Variants in ARL5A observed in about 807,000 individuals in gnomAD.
The protein encoded by ARL5A is ARF like GTPase 5A, also known as ADP-ribosylation factor-like protein 5A.
In ARL5A, 18 loss-of-function variants were observed where a neutral mutation model predicts 25.9. The ratio of observed to expected loss-of-function variants is 0.69; its 90% CI spans 0.48 to 1.03. The LOEUF is 1.03. ARL5A is among the 50% of genes least tolerant of loss of function. The pLI is 0.00. For synonymous variants in ARL5A, 61 were observed against 67.5 expected, an observed-to-expected ratio of 0.90 and a Z score of 0.47; for missense variants, 170 against 211.9, an observed-to-expected ratio of 0.80 and a Z score of 1.23.
chr2:151,817,261 A>C (rs2099831634), intron 1 of ARL5A, among the ~76,000 whole-genome samples: 1 of 152,212 alleles, frequency 6.6e-6, no homozygotes, highest in African/African-American at 2.4e-5. Context: ...CCTCTACTCT[A>C]GCACTTATCC....
chr2:151,817,898 G>C (rs953425657), intron 1 of ARL5A, among the ~76,000 whole-genome samples: 1 of 152,124 alleles, frequency 6.6e-6, no homozygotes, highest in Non-Finnish European at 1.5e-5. Context: ...CCAGCTACTT[G>C]GGAGGCTGAG....
chr2:151,812,793 G>A (rs1232280088), intron 3 of ARL5A, among the ~76,000 whole-genome samples: 1 of 151,750 alleles, frequency 6.6e-6, no homozygotes, highest in Non-Finnish European at 1.5e-5. Flanking sequence ...TTACTTCCAG[G>A]TAGATATTAT....
chr2:151,820,398 G>A (rs961963201), intron 1 of ARL5A, among the ~76,000 whole-genome samples: 4 of 151,892 alleles, frequency 2.6e-5, no homozygotes, highest in Non-Finnish European at 4.4e-5. Context: ...AGTGGCTCAC[G>A]CCTGTAATCC....
At position 151,803,174 on chromosome 2, in the gene ARL5A, A is replaced by C; in HGVS notation, c.*102T>G. On this transcript the variant is annotated 3_prime_UTR_variant, in exon 6 of 6. Coordinates refer to ENST00000295087, the MANE Select transcript of ARL5A (RefSeq NM_012097.4). ...TTTTCTTCTTATAGAAAAAGTTTAAATCAGTTTATTATAAATATATCTAAA... is the reference window on the plus strand; with the variant it reads ...TTTTCTTCTTATAGAAAAAGTTTAACTCAGTTTATTATAAATATATCTAAA... The C allele has an allele frequency of 1.4e-6, 1 of 702,272 alleles. No individual in the cohort carries two copies. The allele number at this position is 702,272 out of a possible 1,614,324, so 43.5% of individuals were successfully genotyped here. A position where few individuals can be genotyped will look rare whatever the true frequency, so the allele number is the denominator to read the frequency against.
intron 5 of ARL5A, among the ~76,000 whole-genome samples, chr2:151,805,656 C>T (rs1049841387): frequency 1.4e-4 from 21 of 152,114 alleles, no homozygotes; most frequent in Non-Finnish European, 2.9e-4. Flanking sequence ...AGGCTACACA[C>T]CTATACAGCA....
intron 1 of ARL5A, among the ~76,000 whole-genome samples, chr2:151,818,289 T>C (rs2099831791): frequency 6.6e-6 from 1 of 152,168 alleles, no homozygotes; most frequent in Admixed American, 6.5e-5. Context: ...ATCCTTTCTT[T>C]TTTTTTGAGA....
Position 151,815,154 on chromosome 2 carries a change from G to A in ARL5A, c.92C>T (p.Thr31Ile). ...TAATACTTACAATTGGTAAAGAATG[G>A]TAGTTTTCCCTGCATTATCCAGCCC... ...IVGLDNAGKTTILYQFSMNEV... is the reference protein window; with the variant it reads ...IVGLDNAGKTIILYQFSMNEV... Residue 31 changes from threonine to isoleucine, a missense_variant, in exon 2 of 6, where the codon ACC becomes ATC. Transcript: ENST00000295087. The A allele has an allele frequency of 6.2e-7, 1 of 1,605,646 alleles. No individual in the cohort carries two copies. Among genetic ancestry groups the A allele is most frequent in the Non-Finnish European group, 8.5e-7 (1 of 1,175,772 alleles).
In ARL5A at chr2:151,824,271, C is replaced by T. The variant is rs116023307; in HGVS notation, c.46+3860G>A. ...TAAACTAACATAAATGTTCTGAGCA[C>T]GTATAAAGCAAGCTAGGCTAAAGCC... On this transcript the variant is annotated intron_variant, in intron 1 of 5. Coordinates refer to ENST00000295087, the MANE Select transcript of ARL5A (RefSeq NM_012097.4). Among the ~76,000 whole-genome samples, 752 of 152,234 alleles carry T rather than the reference C, an allele frequency of 4.9e-3. 6 individuals are homozygous for T. The highest frequency in any genetic ancestry group is 0.017 in the African/African-American group (709 of 41,524).
intron 1 of ARL5A, among the ~76,000 whole-genome samples, chr2:151,815,651 T>C (rs2099831408): frequency 6.6e-6 from 1 of 152,182 alleles, no homozygotes; most frequent in African/African-American, 2.4e-5. Context: ...GTTTTTTAAA[T>C]GGGTAATCGT....
intron 1 of ARL5A, among the ~76,000 whole-genome samples, chr2:151,824,301 T>A (rs1395954569): frequency 6.6e-6 from 1 of 152,208 alleles, no homozygotes; most frequent in African/African-American, 2.4e-5. Context: ...AAAGCCATGG[T>A]TTTCAGTAAG....
chr2:151,815,934 C>T lies in ARL5A; in HGVS notation c.47-735G>A, dbSNP rs373365408. Among the ~76,000 whole-genome samples, 33 of 151,188 alleles carry T rather than the reference C, an allele frequency of 2.2e-4. No homozygotes were observed. The South Asian group carries it at 6.2e-3, about 29-fold the overall frequency. On this transcript the variant is annotated intron_variant, in intron 1 of 5. Coordinates refer to ENST00000295087, the MANE Select transcript of ARL5A (RefSeq NM_012097.4). Reference sequence around the variant, plus strand: ...AAGACCCATCTATTTCCAGCCTGTCCGAAAGCAATTCCCAAAGACAGCACA... The same window carrying T: ...AAGACCCATCTATTTCCAGCCTGTCTGAAAGCAATTCCCAAAGACAGCACA...
At chr2:151,804,832 T>TC (rs2099829883) in intron 5 of ARL5A, among the ~76,000 whole-genome samples, 2 of 152,150 alleles carry the variant, frequency 1.3e-5, no homozygotes, top group African/African-American at 4.8e-5. Flanking sequence ...TGATCTCCAA[T>TC]CCACTGAATC....
intron 1 of ARL5A, among the ~76,000 whole-genome samples, chr2:151,824,189 C>T (rs1473525562): frequency 1.3e-5 from 2 of 152,168 alleles, no homozygotes; most frequent in African/African-American, 4.8e-5. Context: ...CAATAAATTA[C>T]ACGAGATATT....
In ARL5A at chr2:151,825,699, C is replaced by T. The variant is rs564819386; in HGVS notation, c.46+2432G>A. On this transcript the variant is annotated intron_variant, in intron 1 of 5. Coordinates refer to ENST00000295087, the MANE Select transcript of ARL5A (RefSeq NM_012097.4). The stretch of plus-strand genomic sequence containing the variant: ...TTTAAGTTTCATCAGATGGCAAATT[C>T]TGTAATCTCCCGAAACATACTTTCC... Among the ~76,000 whole-genome samples, 4 of 152,118 alleles carry T rather than the reference C, an allele frequency of 2.6e-5. No homozygotes were observed. The South Asian group carries it at 8.3e-4, about 32-fold the overall frequency.
chr2:151,814,077 G>C, intron 3 of ARL5A, 92 bp downstream of exon 3: 3 of 1,188,868 alleles, frequency 2.5e-6, no homozygotes, highest in Non-Finnish European at 3.5e-6. Flanking sequence ...AACATACTGT[G>C]ATATTTCAAA....
chr2:151,803,933 A>C (rs572613350), intron 5 of ARL5A, among the ~76,000 whole-genome samples: 2 of 152,336 alleles, frequency 1.3e-5, no homozygotes, highest in East Asian at 3.9e-4. Context: ...AGTACTTTTA[A>C]TAGGAAAATA....
intron 4 of ARL5A, among the ~76,000 whole-genome samples, chr2:151,809,927 T>C (rs1470587233): frequency 6.6e-6 from 1 of 151,970 alleles, no homozygotes; most frequent in African/African-American, 2.4e-5. Flanking sequence ...ACTAAAAATA[T>C]AAAAAAATTA....
chr2:151,809,561 T>C (rs950898444), intron 4 of ARL5A, among the ~76,000 whole-genome samples: 4 of 152,194 alleles, frequency 2.6e-5, no homozygotes, highest in South Asian at 2.1e-4. Flanking sequence ...AAAATAGATA[T>C]ATTAAATTAA....
At chr2:151,821,770 GCTTT>G (rs1373551838) in intron 1 of ARL5A, among the ~76,000 whole-genome samples, 20 of 141,826 alleles carry the variant, frequency 1.4e-4, no homozygotes, top group Middle Eastern at 3.5e-3. Flanking sequence ...ACCATGCCCG[GCTTT>G]CTTTTTTTTT....
Sources: allele counts gnomAD v4.1 joint callset (sites outside exome capture counted in the v4.1 genomes callset), GRCh38; gene constraint gnomAD v4.1.1; transcripts MANE v1.5; gene names NCBI Gene and HGNC (gene_info 2026-07-23, HGNC 2026-07-21).